ELAPOR2: variants seen among roughly 807,000 people sequenced by gnomAD.
The protein encoded by ELAPOR2 is endosome/lysosome-associated apoptosis and autophagy regulator family member 2.
ELAPOR2 carries 89 observed loss-of-function variants against 120.7 expected under a neutral mutation model. The ratio of observed to expected loss-of-function variants is 0.74; its 90% CI spans 0.62 to 0.88. The LOEUF (loss-of-function observed/expected upper bound fraction) is 0.88, where lower values mean the gene tolerates loss of function less well. Among genes scored for constraint, ELAPOR2 ranks in the 40% least tolerant of loss-of-function variants. The probability of loss-of-function intolerance (pLI) is 0.00; values close to 1 mark genes in which losing one functional copy is unlikely to be tolerated. For synonymous variants in ELAPOR2, 444 were observed against 444.9 expected, an observed-to-expected ratio of 1.00 and a Z score of 0.03; for missense variants, 1,134 against 1,251.6, an observed-to-expected ratio of 0.91 and a Z score of 1.42.
intron 1 of ELAPOR2, among the ~76,000 whole-genome samples, chr7:87,022,431 T>C (rs1243107615): frequency 6.6e-6 from 1 of 152,114 alleles, no homozygotes; most frequent in East Asian, 1.9e-4. Flanking sequence ...TATGGCTGCA[T>C]AGTATTCCAT....
At chr7:86,910,106 G>T in intron 15 of ELAPOR2, 105 bp from the exon 16 acceptor site, 1 of 815,336 alleles carries the variant, frequency 1.2e-6, no homozygotes, top group Non-Finnish European at 1.9e-6. Context: ...TCTCCTCACT[G>T]CAAGGATTCT....
chr7:87,002,618 G>A (rs778603516), intron 1 of ELAPOR2, among the ~76,000 whole-genome samples: 10 of 152,088 alleles, frequency 6.6e-5, no homozygotes, highest in Non-Finnish European at 1.2e-4. Flanking sequence ...GGGGTAGGCA[G>A]AACACTCCCT....
intron 21 of ELAPOR2, among the ~76,000 whole-genome samples, chr7:86,885,585 G>A (rs1051837577): frequency 3.3e-5 from 5 of 151,980 alleles, no homozygotes; most frequent in Admixed American, 1.3e-4. Context: ...TTACCAAGAG[G>A]GACTGGACAA....
chr7:86,937,880 A>G (rs1356064326), intron 8 of ELAPOR2, among the ~76,000 whole-genome samples: 1 of 152,104 alleles, frequency 6.6e-6, no homozygotes, highest in African/African-American at 2.4e-5. Flanking sequence ...AGGTGCCAAT[A>G]TCATCCATAT....
chr7:86,904,029 C>G (rs1788849450), intron 18 of ELAPOR2, among the ~76,000 whole-genome samples: 1 of 152,082 alleles, frequency 6.6e-6, no homozygotes, highest in African/African-American at 2.4e-5. Flanking sequence ...AAGATGAGAG[C>G]ATTATGGCAT....
chr7:86,898,957 C>T (rs935824003), intron 18 of ELAPOR2, among the ~76,000 whole-genome samples: 2 of 152,126 alleles, frequency 1.3e-5, no homozygotes, highest in Admixed American at 6.6e-5. Flanking sequence ...ACAAACCAAC[C>T]ATCAGGTCAA....
intron 1 of ELAPOR2, among the ~76,000 whole-genome samples, chr7:87,027,733 T>C (rs936073910): frequency 1.3e-5 from 2 of 152,154 alleles, no homozygotes; most frequent in Non-Finnish European, 2.9e-5. Flanking sequence ...CCTTCTGCCA[T>C]AATCCTTAGA....
chr7:86,908,835 G>A (rs1044632962), intron 16 of ELAPOR2, among the ~76,000 whole-genome samples: 4 of 151,964 alleles, frequency 2.6e-5, no homozygotes, highest in South Asian at 2.1e-4. Context: ...TACGAAGTTC[G>A]TTTCAGTTCT....
Position 86,909,996 on chromosome 7 carries a change from C to T in ELAPOR2, c.2175G>A (p.Lys725=), listed in dbSNP as rs774470956. Reference sequence around the variant, plus strand: ...TATTGTTGGTACAGAGAGCCATCTTCTTCCCCTAGGAAAATAAAGTCATAA... The same window carrying T: ...TATTGTTGGTACAGAGAGCCATCTTTTTCCCCTAGGAAAATAAAGTCATAA... ...FNISLCGHEG[K]KMALCTNNIT... is the part of the protein sequence containing the mutation. Residue 725 remains lysine (K), a synonymous_variant, in exon 16 of 22, where the codon AAG becomes AAA. Coordinates refer to ENST00000450689, the MANE Select transcript of ELAPOR2 (RefSeq NM_001142749.3). The T allele has an allele frequency of 3.7e-6, 6 of 1,603,082 alleles. No individual in the cohort carries two copies. In the Admixed American group the frequency reaches 1.0e-4, roughly 28 times the overall value.
chr7:87,009,702 C>T (rs1793593343), intron 1 of ELAPOR2, among the ~76,000 whole-genome samples: 1 of 152,220 alleles, frequency 6.6e-6, no homozygotes, highest in Non-Finnish European at 1.5e-5. Flanking sequence ...AATCCTTTCT[C>T]TGGCTTTCTC....
At chr7:87,040,135 C>A (rs549994550) in intron 1 of ELAPOR2, among the ~76,000 whole-genome samples, 2 of 152,220 alleles carry the variant, frequency 1.3e-5, no homozygotes, top group East Asian at 3.9e-4. Flanking sequence ...CACGGAGTCT[C>A]GCTGATTGCT....
chr7:86,902,820 T>A (rs909958940), intron 18 of ELAPOR2, among the ~76,000 whole-genome samples: 1 of 152,110 alleles, frequency 6.6e-6, no homozygotes, highest in Non-Finnish European at 1.5e-5. Context: ...CTTGGCTGAG[T>A]CTTTTTCCTT....
chr7:87,029,927 C>T (rs1794373199), intron 1 of ELAPOR2, among the ~76,000 whole-genome samples: 1 of 151,918 alleles, frequency 6.6e-6, no homozygotes, highest in Non-Finnish European at 1.5e-5. Flanking sequence ...GAGTCAAATG[C>T]CTCAGATGGA....
intron 8 of ELAPOR2, among the ~76,000 whole-genome samples, chr7:86,930,681 G>A (rs890623809): frequency 5.3e-5 from 8 of 151,874 alleles, no homozygotes; most frequent in African/African-American, 1.7e-4. Context: ...TTCGAAGAAG[G>A]CTCCCTTTTA....
intron 18 of ELAPOR2, among the ~76,000 whole-genome samples, chr7:86,899,850 GT>G (rs551953633): frequency 0.043 from 6,205 of 145,768 alleles, 178 homozygotes; most frequent in Non-Finnish European, 0.065. Context: ...TAATTTCTCT[GT>G]TTTTTTTTTT....
intron 1 of ELAPOR2, among the ~76,000 whole-genome samples, chr7:87,010,677 G>A (rs779915665): frequency 1.2e-4 from 19 of 152,078 alleles, no homozygotes; most frequent in Admixed American, 5.2e-4. Flanking sequence ...TACTATTATA[G>A]TTTAAAAACA....
At chr7:86,941,939 G>A in intron 5 of ELAPOR2, 79 bp downstream of exon 5, 1 of 770,926 alleles carries the variant, frequency 1.3e-6, no homozygotes, top group Admixed American at 2.2e-5. Context: ...GGAAGGGGAA[G>A]TTGGGAAAGA....
intron 8 of ELAPOR2, among the ~76,000 whole-genome samples, chr7:86,929,864 C>A (rs993749909): frequency 6.6e-6 from 1 of 151,796 alleles, no homozygotes; most frequent in Non-Finnish European, 1.5e-5. Context: ...TGTGGCACCT[C>A]CCCCTTCTCT....
At position 87,037,276 on chromosome 7, in the gene ELAPOR2, G is replaced by A. The variant is rs752782667; in HGVS notation, c.189+22049C>T. On this transcript the variant is annotated intron_variant, in intron 1 of 21. Coordinates refer to ENST00000450689, the MANE Select transcript of ELAPOR2 (RefSeq NM_001142749.3). The stretch of plus-strand genomic sequence containing the variant: ...CTCCTGTACATCCACCTGTCTTCAG[G>A]AGAGCACTGTTTGTGTGTGCCCAGG... Among the ~76,000 whole-genome samples the A allele has an allele frequency of 4.7e-4, 72 of 151,966 alleles. 1 individual carries two copies. Among genetic ancestry groups the A allele is most frequent in the Non-Finnish European group, 7.2e-4 (49 of 68,002 alleles).
Sources: allele counts gnomAD v4.1 joint callset (sites outside exome capture counted in the v4.1 genomes callset), GRCh38; gene constraint gnomAD v4.1.1; transcripts MANE v1.5; gene names NCBI Gene and HGNC (gene_info 2026-07-23, HGNC 2026-07-21).